EPC2: variants seen among roughly 807,000 people sequenced by gnomAD.
EPC2 encodes enhancer of polycomb 2, also known as enhancer of polycomb homolog 2.
A neutral mutation model predicts 92.1 loss-of-function variants in EPC2; 14 were observed. The ratio of observed to expected loss-of-function variants is 0.15; its 90% CI spans 0.10 to 0.24. EPC2 has a LOEUF of 0.24. Ranked by LOEUF, EPC2 falls within the 10% of genes least tolerant of loss-of-function variation. The pLI, the probability that EPC2 is intolerant of heterozygous loss-of-function variation, is 1.00. For synonymous variants in EPC2, 340 were observed against 334.7 expected (o/e 1.02, Z -0.17); for missense variants, 755 against 971.5 (o/e 0.78, Z 2.96).
rs1683797830 is a variant in EPC2, at chr2:148,783,523, G to A, written c.1858-74G>A. ...GGTTAGAAAGGCAACAGCCTCTTGG[G>A]TTTGCCCCATCCCTTAATATGTTCA... is the stretch of plus-strand genomic sequence containing the variant. On this transcript the variant is annotated intron_variant, in intron 11 of 13. Transcript: ENST00000258484. 9.9e-6 allele frequency: 14 copies of A among 1,415,946 alleles called. No homozygotes were observed. The South Asian group carries it at 1.6e-4, about 16-fold the overall frequency. The allele number at this position is 1,415,946 out of a possible 1,614,324, so 87.7% of individuals were successfully genotyped here.
At chr2:148,718,882 C>T (rs1472752539) in intron 2 of EPC2, among the ~76,000 whole-genome samples, 1 of 152,130 alleles carries the variant, frequency 6.6e-6, no homozygotes, top group Non-Finnish European at 1.5e-5. Flanking sequence ...CTCAGTCAGT[C>T]GTAGATTCAG....
chr2:148,697,023 A>G (rs546226255), intron 2 of EPC2, among the ~76,000 whole-genome samples: 1 of 152,252 alleles, frequency 6.6e-6, no homozygotes, highest in Non-Finnish European at 1.5e-5. Flanking sequence ...TATGGTTTGC[A>G]TACATTTTTT....
chr2:148,781,995 T>C (rs552435231), intron 11 of EPC2, among the ~76,000 whole-genome samples: 10 of 152,276 alleles, frequency 6.6e-5, no homozygotes, highest in Admixed American at 2.0e-4. Context: ...GAGCCAAATA[T>C]GGTATTTTAA....
chr2:148,759,384 C>T (rs1270143769), intron 4 of EPC2, among the ~76,000 whole-genome samples: 2 of 152,064 alleles, frequency 1.3e-5, no homozygotes, highest in African/African-American at 2.4e-5. Context: ...TGAGCCACTG[C>T]GCCCGGCCAA....
At chr2:148,743,153 G>T (rs181262869) in intron 2 of EPC2, among the ~76,000 whole-genome samples, 2 of 152,118 alleles carry the variant, frequency 1.3e-5, no homozygotes, top group East Asian at 3.9e-4. Context: ...AAGTAGGGTA[G>T]GAATTCAGCT....
intron 8 of EPC2, among the ~76,000 whole-genome samples, chr2:148,770,091 GC>G (rs1179258719): frequency 1.3e-5 from 2 of 152,010 alleles, no homozygotes; most frequent in African/African-American, 2.4e-5. Flanking sequence ...TGTCACCAAG[GC>G]TGGAGTGCAA....
chr2:148,681,600 T>A (rs1681397358), intron 1 of EPC2, among the ~76,000 whole-genome samples: 1 of 152,228 alleles, frequency 6.6e-6, no homozygotes, highest in Admixed American at 6.5e-5. Flanking sequence ...TTACATTCAG[T>A]ACTCTCTGAT....
At chr2:148,710,986 CTT>C (rs1045790936) in intron 2 of EPC2, among the ~76,000 whole-genome samples, 2 of 152,060 alleles carry the variant, frequency 1.3e-5, no homozygotes, top group Non-Finnish European at 2.9e-5. Context: ...TTCAGTCTCT[CTT>C]TTTGTTTTAG....
intron 2 of EPC2, among the ~76,000 whole-genome samples, chr2:148,729,093 T>C (rs1318901654): frequency 6.8e-6 from 1 of 146,696 alleles, no homozygotes; most frequent in Non-Finnish European, 1.5e-5. Flanking sequence ...TTACATATTA[T>C]AAATAGTTCA....
At chr2:148,680,623 A>G (rs564563375) in intron 1 of EPC2, among the ~76,000 whole-genome samples, 1 of 152,342 alleles carries the variant, frequency 6.6e-6, no homozygotes, top group East Asian at 1.9e-4. Context: ...CAACTTGGTC[A>G]CTATAAACAT....
intron 1 of EPC2, among the ~76,000 whole-genome samples, chr2:148,671,934 A>G (rs1324296643): frequency 6.6e-6 from 1 of 152,136 alleles, no homozygotes; most frequent in Non-Finnish European, 1.5e-5. Flanking sequence ...TAGGTGAGTT[A>G]AATTCATTCA....
intron 8 of EPC2, 33 bp from the exon 9 acceptor site, chr2:148,770,759 G>C: frequency 6.4e-7 from 1 of 1,559,478 alleles, no homozygotes; most frequent in African/African-American, 1.4e-5. Context: ...TACTCCATGA[G>C]TTTTTTGTTT....
chr2:148,758,261 A>G (rs1158074809), intron 4 of EPC2, among the ~76,000 whole-genome samples: 1 of 152,198 alleles, frequency 6.6e-6, no homozygotes, highest in Non-Finnish European at 1.5e-5. Context: ...TAGAATTATC[A>G]CTATTTGGCA....
chr2:148,752,938 A>G (rs540933985), intron 3 of EPC2, among the ~76,000 whole-genome samples: 68 of 152,316 alleles, frequency 4.5e-4, no homozygotes, highest in Non-Finnish European at 8.2e-4. Context: ...TTCTTGGGAA[A>G]TATCTCAGCT....
chr2:148,722,069 CT>C (rs1682391339), intron 2 of EPC2, among the ~76,000 whole-genome samples: 1 of 151,724 alleles, frequency 6.6e-6, no homozygotes, highest in East Asian at 1.9e-4. Flanking sequence ...CTTAGTATGT[CT>C]TATAATTTTT....
chr2:148,688,244 GCTC>G (rs1382032551), intron 1 of EPC2, among the ~76,000 whole-genome samples: 1 of 152,184 alleles, frequency 6.6e-6, no homozygotes, highest in Non-Finnish European at 1.5e-5. Flanking sequence ...AAAATGATGA[GCTC>G]ATGTCCTTTG....
At chr2:148,786,199 A>G in intron 13 of EPC2, 106 bp from the exon 14 acceptor site, 1 of 916,884 alleles carries the variant, frequency 1.1e-6, no homozygotes, top group Admixed American at 2.5e-5. Flanking sequence ...TTGTGAAGTC[A>G]TGTTTAGTTG....
chr2:148,711,247 T>C (rs926776192), intron 2 of EPC2, among the ~76,000 whole-genome samples: 4 of 152,088 alleles, frequency 2.6e-5, no homozygotes, highest in African/African-American at 7.2e-5. Context: ...CTTTTCTCTG[T>C]CCCACAAATT....
At chr2:148,688,485 C>T (rs572338109) in intron 1 of EPC2, among the ~76,000 whole-genome samples, 3 of 152,138 alleles carry the variant, frequency 2.0e-5, no homozygotes, top group African/African-American at 7.2e-5. Flanking sequence ...ATGGGTGCAG[C>T]ACACCAACAT....
Sources: gnomAD v4.1 joint callset for allele counts (sites outside exome capture counted in the v4.1 genomes callset) on GRCh38, gnomAD v4.1.1 for gene constraint, MANE v1.5 for transcripts, NCBI Gene and HGNC (gene_info 2026-07-23, HGNC 2026-07-21) for gene names.